MRRF: variants seen among roughly 807,000 people sequenced by gnomAD.
MRRF encodes ribosome-recycling factor, mitochondrial.
MRRF carries 18 observed loss-of-function variants against 25.1 expected under a neutral mutation model. The ratio of observed to expected loss-of-function variants is 0.72; its 90% CI spans 0.50 to 1.06. The LOEUF (loss-of-function observed/expected upper bound fraction) is 1.06, where lower values mean the gene tolerates loss of function less well. Ranked by LOEUF, MRRF falls within the 50% of genes least tolerant of loss-of-function variation. The probability of loss-of-function intolerance (pLI) is 0.00; values close to 1 mark genes in which losing one functional copy is unlikely to be tolerated. For missense variants in MRRF, 323 were observed against 319.3 expected (o/e 1.01, Z -0.09); for synonymous variants, 113 against 112.1 (o/e 1.01, Z -0.05).
intron 6 of MRRF, among the ~76,000 whole-genome samples, chr9:122,314,470 A>G (rs1413095856): frequency 6.6e-6 from 1 of 152,236 alleles, no homozygotes; most frequent in East Asian, 1.9e-4. Context: ...GTCTGGGGAA[A>G]GAAGTGAATA....
intron 5 of MRRF, among the ~76,000 whole-genome samples, chr9:122,303,730 T>C (rs1428410190): frequency 6.6e-6 from 1 of 152,180 alleles, no homozygotes; most frequent in African/African-American, 2.4e-5. Context: ...AGGAGGAAAC[T>C]AGGGATCCGA....
chr9:122,317,783 T>A (rs1182535494), intron 6 of MRRF, among the ~76,000 whole-genome samples: 1 of 152,224 alleles, frequency 6.6e-6, no homozygotes, highest in Non-Finnish European at 1.5e-5. Context: ...CAAAAATCTT[T>A]TGAGGTCAGA....
At chr9:122,286,816 T>C (rs1370571644) in intron 4 of MRRF, among the ~76,000 whole-genome samples, 1 of 152,182 alleles carries the variant, frequency 6.6e-6, no homozygotes, top group Admixed American at 6.5e-5. Flanking sequence ...TAAGAAACAG[T>C]CCAAAATCCT....
chr9:122,276,788 G>GT (rs1002966880), intron 2 of MRRF, among the ~76,000 whole-genome samples: 1 of 152,018 alleles, frequency 6.6e-6, no homozygotes, highest in African/African-American at 2.4e-5. Context: ...CAACTTTTCT[G>GT]TTTTTTTATT....
At chr9:122,303,789 G>A (rs368985573) in intron 5 of MRRF, among the ~76,000 whole-genome samples, 6 of 152,318 alleles carry the variant, frequency 3.9e-5, no homozygotes, top group African/African-American at 9.6e-5. Flanking sequence ...TGAAGGAGCC[G>A]TTATTCAAAC....
chr9:122,271,175 T>C (rs1219521592), intron 2 of MRRF, 100 bp downstream of exon 2: 1 of 1,037,362 alleles, frequency 9.6e-7, no homozygotes, highest in Non-Finnish European at 1.5e-6. Context: ...TTTCTCCCCT[T>C]GCTAACATGA....
At position 122,323,824 on chromosome 9, in the gene MRRF, G is replaced by A. The variant is rs1397583549; in HGVS notation, c.*1207G>A. On this transcript the variant is annotated 3_prime_UTR_variant, in exon 7 of 7. Coordinates refer to ENST00000344641, the MANE Select transcript of MRRF (RefSeq NM_138777.5). The stretch of plus-strand genomic sequence containing the variant: ...TTGCCCAAAGTAACAAAGCAAAGCT[G>A]ATCAGTGGTAGAAGGTTTTCATGAT... The A allele has an allele frequency of 6.6e-6, 1 of 152,150 alleles. No homozygotes were observed. The highest frequency in any genetic ancestry group is 1.5e-5 in the Non-Finnish European group (1 of 68,022). 9.4% of individuals were successfully genotyped at this position (152,150 alleles called of 1,614,324 possible). A position where few individuals can be genotyped will look rare whatever the true frequency, so the allele number is the denominator to read the frequency against.
rs760455064 is a variant in MRRF, at chr9:122,331,120, T to C, written c.*8503T>C. ...CCTCAAAAAAAGGTCTCTCCACTTC[T>C]CTGTGGGAAAGGCTTGGGCAAGTTC... On this transcript the variant is annotated 3_prime_UTR_variant, in exon 7 of 7. Coordinates refer to ENST00000344641, the MANE Select transcript of MRRF (RefSeq NM_138777.5). 2 of 152,162 alleles carry C rather than the reference T, an allele frequency of 1.3e-5. No homozygotes were observed. The highest frequency in any genetic ancestry group is 2.9e-5 in the Non-Finnish European group (2 of 68,034). The allele number at this position is 152,162 out of a possible 1,614,324, so 9.4% of individuals were successfully genotyped here. A position where few individuals can be genotyped will look rare whatever the true frequency, so the allele number is the denominator to read the frequency against.
At chr9:122,292,092 G>C (rs1833809918) in intron 5 of MRRF, among the ~76,000 whole-genome samples, 1 of 152,208 alleles carries the variant, frequency 6.6e-6, no homozygotes, top group Admixed American at 6.5e-5. Flanking sequence ...TTCTGGTTGG[G>C]AAGGTAGGAC....
chr9:122,286,734 A>T (rs577537309), intron 4 of MRRF, among the ~76,000 whole-genome samples: 39 of 152,246 alleles, frequency 2.6e-4, no homozygotes, highest in South Asian at 6.2e-4. Flanking sequence ...AGGAAAAAAA[A>T]ATATATGTAT....
At chr9:122,302,954 G>A (rs949896546) in intron 5 of MRRF, among the ~76,000 whole-genome samples, 5 of 152,100 alleles carry the variant, frequency 3.3e-5, no homozygotes, top group Non-Finnish European at 5.9e-5. Flanking sequence ...ATGACTGATG[G>A]TGCTAAGCTC....
intron 5 of MRRF, among the ~76,000 whole-genome samples, chr9:122,295,508 C>T (rs1033335553): frequency 2.5e-4 from 37 of 149,996 alleles, no homozygotes; most frequent in African/African-American, 6.1e-4. Context: ...TGCAGTGGTG[C>T]GATCCCAGCT....
chr9:122,302,741 A>G lies in MRRF; in HGVS notation c.552-10486A>G, dbSNP rs1195954053. Among the ~76,000 whole-genome samples the G allele has an allele frequency of 6.6e-5, 10 of 152,340 alleles. No individual in the cohort carries two copies. In the South Asian group the frequency reaches 1.9e-3, roughly 28 times the overall value. On this transcript the variant is annotated intron_variant, in intron 5 of 6. Coordinates refer to ENST00000344641, the MANE Select transcript of MRRF (RefSeq NM_138777.5). ...ATAAACCTAGGAGTGGTTTATGACC[A>G]GTTAATTGCTGGGTCATATGGTAAC...
In MRRF at chr9:122,285,407, G is replaced by A. The variant is rs550696239; in HGVS notation, c.459+120G>A. 4 of 793,140 alleles carry A rather than the reference G, an allele frequency of 5.0e-6. No homozygotes were observed. The African/African-American group carries it at 5.1e-5, about 10-fold the overall frequency. The allele number at this position is 793,140 out of a possible 1,614,324, so 49.1% of individuals were successfully genotyped here. A position where few individuals can be genotyped will look rare whatever the true frequency, so the allele number is the denominator to read the frequency against. ...GAAACAAGAGAGAAGACATAATAAA[G>A]AGAACTTAAGGATAAGGCAAAGCTC... On this transcript the variant is annotated intron_variant, in intron 4 of 6. Transcript: ENST00000344641.
intron 5 of MRRF, among the ~76,000 whole-genome samples, chr9:122,296,150 T>C (rs74500230): frequency 6.6e-6 from 1 of 152,106 alleles, no homozygotes. Context: ...GTTTTTTTTT[T>C]ATCGTGGCTG....
chr9:122,284,348 A>G (rs1833255725), intron 3 of MRRF, among the ~76,000 whole-genome samples: 1 of 152,084 alleles, frequency 6.6e-6, no homozygotes, highest in Non-Finnish European at 1.5e-5. Context: ...TGGCCTGTTT[A>G]TTCTTCCCAA....
Position 122,322,803 on chromosome 9 carries a change from C to A in MRRF, c.*186C>A. On this transcript the variant is annotated 3_prime_UTR_variant, in exon 7 of 7. Transcript: ENST00000344641. ...CATGTTCATTCTCTTCCTGCTTCTG[C>A]TCTGGGCCGGTGGGTGGCTCTCAGA... is the stretch of plus-strand genomic sequence containing the variant. 1.5e-6 allele frequency: 1 copy of A among 670,118 alleles called. No homozygotes were observed. Among genetic ancestry groups the A allele is most frequent in the South Asian group, 1.7e-5 (1 of 59,852 alleles). 41.5% of individuals were successfully genotyped at this position (670,118 alleles called of 1,614,324 possible). A position where few individuals can be genotyped will look rare whatever the true frequency, so the allele number is the denominator to read the frequency against.
intron 1 of MRRF, among the ~76,000 whole-genome samples, chr9:122,268,208 G>C (rs776997006): frequency 6.6e-6 from 1 of 152,182 alleles, no homozygotes; most frequent in Non-Finnish European, 1.5e-5. Flanking sequence ...GCATTTCAGC[G>C]ATGTGGTTTA....
chr9:122,275,997 T>C (rs1389229393), intron 2 of MRRF, among the ~76,000 whole-genome samples: 1 of 152,150 alleles, frequency 6.6e-6, no homozygotes, highest in Non-Finnish European at 1.5e-5. Context: ...AGCCTTGTCC[T>C]CCTGGGTTCA....
Sources: allele counts gnomAD v4.1 joint callset (sites outside exome capture counted in the v4.1 genomes callset), GRCh38; gene constraint gnomAD v4.1.1; transcripts MANE v1.5; gene names NCBI Gene and HGNC (gene_info 2026-07-23, HGNC 2026-07-21).